The following CACNB4 variants were observed in gnomAD, a reference collection of about 807,000 sequenced individuals.
The protein encoded by CACNB4 is calcium voltage-gated channel auxiliary subunit beta 4.
CACNB4 carries 32 observed loss-of-function variants against 71.2 expected under a neutral mutation model. The observed-to-expected ratio is 0.45, with a 90% CI of 0.34 to 0.60. The LOEUF (loss-of-function observed/expected upper bound fraction) is 0.60, where lower values mean the gene tolerates loss of function less well. Ranked by LOEUF, CACNB4 falls within the 20% of genes least tolerant of loss-of-function variation. CACNB4 has a pLI of 0.01. For missense variants in CACNB4, 464 were observed against 647.9 expected (o/e 0.72, Z 3.08); for synonymous variants, 231 against 236.9 (o/e 0.97, Z 0.23).
At chr2:151,873,674 G>A (rs184355966) in intron 5 of CACNB4, 1 of 152,232 alleles carries the variant, frequency 6.6e-6, no homozygotes, top group African/African-American at 2.4e-5. Flanking sequence ...TGGAGTGGCC[G>A]GGTGTAAGTG....
At chr2:152,024,233 G>A (rs1346913736) in intron 2 of CACNB4, among the ~76,000 whole-genome samples, 2 of 152,190 alleles carry the variant, frequency 1.3e-5, no homozygotes, top group Non-Finnish European at 2.9e-5. Flanking sequence ...TGAGATGGAA[G>A]GACAAACTAA....
In CACNB4 at chr2:151,855,383, G is replaced by T. The variant is rs756966816; in HGVS notation, c.869-8C>A. ...TTTCACTTTGTACTTCCGCTTAAAG[G>T]AAAAATAATAAATAGATCCCGGTTA... On this transcript the variant is annotated splice_region_variant and splice_polypyrimidine_tract_variant and intron_variant, in intron 10 of 13. Coordinates refer to ENST00000539935, the MANE Select transcript of CACNB4 (RefSeq NM_000726.5). The T allele has an allele frequency of 1.5e-5, 23 of 1,570,376 alleles. No individual in the cohort carries two copies. The East Asian group carries it at 4.1e-4, about 28-fold the overall frequency.
At chr2:152,043,032 A>T (rs926387700) in intron 2 of CACNB4, among the ~76,000 whole-genome samples, 1 of 152,198 alleles carries the variant, frequency 6.6e-6, no homozygotes, top group African/African-American at 2.4e-5. Flanking sequence ...TACAGATGCC[A>T]TGGCAACGTC....
intron 2 of CACNB4, among the ~76,000 whole-genome samples, chr2:152,014,287 T>C (rs1462438787): frequency 6.6e-6 from 1 of 152,064 alleles, no homozygotes; most frequent in Non-Finnish European, 1.5e-5. Flanking sequence ...ACAGAGATTG[T>C]AGTGAGCCAA....
intron 2 of CACNB4, among the ~76,000 whole-genome samples, chr2:151,965,573 T>A (rs773958593): frequency 6.6e-6 from 1 of 152,198 alleles, no homozygotes; most frequent in Non-Finnish European, 1.5e-5. Context: ...TTAAGCAGGA[T>A]AATCACAAAA....
chr2:152,070,493 G>T (rs1359571710), intron 2 of CACNB4, among the ~76,000 whole-genome samples: 1 of 151,888 alleles, frequency 6.6e-6, no homozygotes, highest in African/African-American at 2.4e-5. Flanking sequence ...TTTTATAGTT[G>T]GCAAAAACAC....
chr2:151,861,927 T>C (rs1020329945), intron 9 of CACNB4, among the ~76,000 whole-genome samples: 9 of 151,438 alleles, frequency 5.9e-5, no homozygotes, highest in African/African-American at 2.0e-4. Flanking sequence ...ATTTATCAAA[T>C]GAGAATATCT....
chr2:151,995,341 G>C (rs1470000259), intron 2 of CACNB4, among the ~76,000 whole-genome samples: 4 of 152,202 alleles, frequency 2.6e-5, no homozygotes, highest in Non-Finnish European at 1.5e-5. Context: ...AATTTTTTGA[G>C]TGTAAGATTT....
At chr2:151,949,612 C>T (rs1465944107) in intron 2 of CACNB4, among the ~76,000 whole-genome samples, 1 of 152,016 alleles carries the variant, frequency 6.6e-6, no homozygotes, top group East Asian at 1.9e-4. Flanking sequence ...AGGGAGAAGC[C>T]GAGGCTGAGG....
chr2:152,079,529 T>C (rs1329202406), intron 2 of CACNB4, among the ~76,000 whole-genome samples: 2 of 152,070 alleles, frequency 1.3e-5, no homozygotes, highest in Non-Finnish European at 2.9e-5. Context: ...CACACACCTG[T>C]AATCCCAGCA....
At position 152,098,860 on chromosome 2, in the gene CACNB4, C is replaced by T. The variant is rs899066639; in HGVS notation, c.63+89G>A. ...CTCCCGGGACTGGGGCCCCGCACGC[C>T]CGGCACGAAGGCGGGGCGCGCTAGG... On this transcript the variant is annotated intron_variant, in intron 1 of 13. Transcript: ENST00000539935. This position sits in a 1 kb window ranked among gnomAD's most constrained non-coding sequence, Gnocchi z 5.3. The T allele has an allele frequency of 4.4e-6, 5 of 1,144,490 alleles. No individual in the cohort carries two copies. Among genetic ancestry groups the T allele is most frequent in the Non-Finnish European group, 6.1e-6 (5 of 824,690 alleles). 70.9% of individuals were successfully genotyped at this position (1,144,490 alleles called of 1,614,324 possible).
chr2:151,876,966 A>G (rs2099846547), intron 4 of CACNB4, among the ~76,000 whole-genome samples: 1 of 147,332 alleles, frequency 6.8e-6, no homozygotes, highest in Non-Finnish European at 1.5e-5. Flanking sequence ...TTGTGTATGT[A>G]TATATGTGTA....
At chr2:151,958,360 T>C (rs1377941550) in intron 2 of CACNB4, among the ~76,000 whole-genome samples, 1 of 151,684 alleles carries the variant, frequency 6.6e-6, no homozygotes, top group African/African-American at 2.4e-5. Flanking sequence ...TAACCGGGAG[T>C]CCCAGCTGTC....
intron 2 of CACNB4, among the ~76,000 whole-genome samples, chr2:151,889,333 G>A (rs978621853): frequency 3.3e-5 from 5 of 152,066 alleles, no homozygotes; most frequent in Non-Finnish European, 5.9e-5. Context: ...AGGTGTGGTG[G>A]CAGATGCCTG....
chr2:151,898,477 A>G (rs1252991157), intron 2 of CACNB4, among the ~76,000 whole-genome samples: 1 of 152,240 alleles, frequency 6.6e-6, no homozygotes, highest in African/African-American at 2.4e-5. Flanking sequence ...AATCCTAAAC[A>G]GGTGTGAAAA....
Position 151,888,497 on chromosome 2 carries a change from T to A in CACNB4, c.148-5127A>T, listed in dbSNP as rs538593150. Among the ~76,000 whole-genome samples, 12 of 151,814 alleles carry A rather than the reference T, an allele frequency of 7.9e-5. 1 individual carries two copies. The South Asian group carries it at 2.3e-3, about 29-fold the overall frequency. The stretch of plus-strand genomic sequence containing the variant: ...GGGAGGATTGCTTGAGCCCGGGAGG[T>A]GGAGGCTCCAGTGAGCCATGATGAT... On this transcript the variant is annotated intron_variant, in intron 2 of 13. Coordinates refer to ENST00000539935, the MANE Select transcript of CACNB4 (RefSeq NM_000726.5).
At position 152,032,144 on chromosome 2, in the gene CACNB4, C is replaced by T. The variant is rs190386713; in HGVS notation, c.147+66186G>A. Among the ~76,000 whole-genome samples the T allele has an allele frequency of 4.4e-3, 672 of 152,290 alleles. 5 individuals are homozygous for T. The highest frequency in any genetic ancestry group is 5.8e-3 in the Non-Finnish European group (393 of 68,022). On this transcript the variant is annotated intron_variant, in intron 2 of 13. Coordinates refer to ENST00000539935, the MANE Select transcript of CACNB4 (RefSeq NM_000726.5). Reference sequence around the variant, plus strand: ...CATGACCAAGTCTGATTTTTTCAGACCTTCTGTTAAAACTGCCCCACAGAT... The same window carrying T: ...CATGACCAAGTCTGATTTTTTCAGATCTTCTGTTAAAACTGCCCCACAGAT...
chr2:152,083,107 T>C (rs1436087944), intron 2 of CACNB4, among the ~76,000 whole-genome samples: 1 of 152,084 alleles, frequency 6.6e-6, no homozygotes, highest in Non-Finnish European at 1.5e-5. Context: ...CTGACCTCAA[T>C]CTCATCTCTA....
intron 2 of CACNB4, among the ~76,000 whole-genome samples, chr2:152,097,927 A>C (rs1453535840): frequency 6.6e-6 from 1 of 152,228 alleles, no homozygotes. Flanking sequence ...GAAACCACTA[A>C]ATCTCAACTC....
Sources: allele counts gnomAD v4.1 joint callset (sites outside exome capture counted in the v4.1 genomes callset), GRCh38; gene constraint gnomAD v4.1.1; non-coding constraint Gnocchi (gnomAD v3.1); transcripts MANE v1.5; gene names NCBI Gene and HGNC (gene_info 2026-07-23, HGNC 2026-07-21).